ALG6: variants seen among roughly 807,000 people sequenced by gnomAD.
The protein encoded by ALG6 is dolichyl pyrophosphate Man9GlcNAc2 alpha-1,3-glucosyltransferase.
In ALG6, 46 loss-of-function variants were observed where a neutral mutation model predicts 66.6. That is an observed-to-expected ratio of 0.69 (90% CI 0.55 to 0.88). The LOEUF is 0.88. Ranked by LOEUF, ALG6 falls within the 40% of genes least tolerant of loss-of-function variation. The pLI is 0.00. For missense variants in ALG6, 505 were observed against 586.8 expected (o/e 0.86, Z 1.44); for synonymous variants, 185 against 203.7 (o/e 0.91, Z 0.78).
At position 63,424,419 on chromosome 1, in the gene ALG6, G is replaced by A. The variant is rs190032308; in HGVS notation, c.1059-4314G>A. Among the ~76,000 whole-genome samples the A allele has an allele frequency of 4.5e-3, 691 of 152,272 alleles. 6 individuals carry two copies. The highest frequency in any genetic ancestry group is 0.015 in the African/African-American group (627 of 41,554). On this transcript the variant is annotated intron_variant, in intron 12 of 14. Transcript: ENST00000263440. ...CTCCCAAAGTGCTGGGATTACAGGC[G>A]TGAACCACTGCGCTTGGCCGTTTTG...
chr1:63,391,306 C>T (rs779474427), intron 2 of ALG6, among the ~76,000 whole-genome samples: 94 of 152,116 alleles, frequency 6.2e-4, no homozygotes, highest in Non-Finnish European at 1.1e-3. Context: ...AAATGAAGAC[C>T]CGAAGAAACA....
At chr1:63,408,868 C>T (rs763572897) in intron 7 of ALG6, among the ~76,000 whole-genome samples, 4 of 152,184 alleles carry the variant, frequency 2.6e-5, no homozygotes, top group Non-Finnish European at 5.9e-5. Context: ...CAACCTCTGC[C>T]TCCTGGGTTC....
At chr1:63,382,889 G>C (rs1238003942) in intron 2 of ALG6, among the ~76,000 whole-genome samples, 1 of 151,994 alleles carries the variant, frequency 6.6e-6, no homozygotes, top group East Asian at 1.9e-4. Context: ...TGTTAGCCAG[G>C]ATGGTCTCGA....
At chr1:63,422,317 A>T (rs1426582020) in intron 12 of ALG6, among the ~76,000 whole-genome samples, 1 of 114,150 alleles carries the variant, frequency 8.8e-6, no homozygotes, top group Admixed American at 1.1e-4. Flanking sequence ...ATATATCTAT[A>T]TATGAATATA....
intron 12 of ALG6, 29 bp from the exon 13 acceptor site, chr1:63,428,701 ATAT>A: frequency 7.2e-7 from 1 of 1,391,300 alleles, no homozygotes; most frequent in Non-Finnish European, 1.0e-6. Flanking sequence ...ATATTCTGTA[ATAT>A]TAAAATATTT....
chr1:63,374,138 C>T lies in ALG6; in HGVS notation c.82+3079C>T, dbSNP rs556814981. The stretch of plus-strand genomic sequence containing the variant: ...GATTCAAATATAGTTGTATTTAATT[C>T]CACAATCAGTGCTCTTATGACTGTG... On this transcript the variant is annotated intron_variant, in intron 2 of 14. Coordinates refer to ENST00000263440, the MANE Select transcript of ALG6 (RefSeq NM_013339.4). Among the ~76,000 whole-genome samples the T allele has an allele frequency of 4.9e-4, 74 of 152,206 alleles. 1 individual carries two copies. Among genetic ancestry groups the T allele is most frequent in the African/African-American group, 1.4e-3 (60 of 41,526 alleles).
chr1:63,374,594 C>A (rs1272263805), intron 2 of ALG6, among the ~76,000 whole-genome samples: 1 of 150,416 alleles, frequency 6.6e-6, no homozygotes, highest in Non-Finnish European at 1.5e-5. Context: ...CGCCACTGCA[C>A]CCCACCCTGG....
chr1:63,384,317 T>C (rs533346851), intron 2 of ALG6, among the ~76,000 whole-genome samples: 1 of 152,358 alleles, frequency 6.6e-6, no homozygotes, highest in Admixed American at 6.5e-5. Flanking sequence ...TTCAGATCTT[T>C]TGCCCATTTT....
chr1:63,400,329 ATATATACG>A (rs1434356069), intron 3 of ALG6, among the ~76,000 whole-genome samples: 1,875 of 35,942 alleles, frequency 0.052, 566 homozygotes, highest in South Asian at 0.076. Context: ...ACGTATATAT[ATATATACG>A]TATATATATA....
chr1:63,426,128 A>C (rs1644613913), intron 12 of ALG6, among the ~76,000 whole-genome samples: 1 of 152,184 alleles, frequency 6.6e-6, no homozygotes, highest in Non-Finnish European at 1.5e-5. Flanking sequence ...AAGGAGTTGA[A>C]ATCTTTGGGT....
chr1:63,415,678 GTATA>G lies in ALG6; in HGVS notation c.903-185_903-182del, dbSNP rs10567757. On this transcript the variant is annotated intron_variant, in intron 10 of 14. Transcript: ENST00000263440. Reference sequence around the variant, plus strand: ...CTATATTATGTAATCGTGTATAAAAGTATATATATATATCAATGTGTAGATTTTG... The same window carrying G: ...CTATATTATGTAATCGTGTATAAAAGTATATATATCAATGTGTAGATTTTG... Among the ~76,000 whole-genome samples, 3 of 151,128 alleles carry G rather than the reference GTATA, an allele frequency of 2.0e-5. 1 individual carries two copies. Among genetic ancestry groups the G allele is most frequent in the Non-Finnish European group, 3.0e-5 (2 of 67,760 alleles).
intron 7 of ALG6, among the ~76,000 whole-genome samples, chr1:63,410,293 T>C (rs2100420118): frequency 6.6e-6 from 1 of 152,310 alleles, no homozygotes; most frequent in South Asian, 2.1e-4. Flanking sequence ...CTTGCTCTCT[T>C]GCCCAAGCTG....
chr1:63,404,792 A>G (rs1262849710), intron 5 of ALG6, among the ~76,000 whole-genome samples: 1 of 152,152 alleles, frequency 6.6e-6, no homozygotes, highest in East Asian at 1.9e-4. Flanking sequence ...TTGAACACCT[A>G]AATGAGATAA....
intron 4 of ALG6, 144 bp from the exon 5 acceptor site, chr1:63,404,309 G>T (rs1481102991): frequency 1.4e-6 from 1 of 732,854 alleles, no homozygotes; most frequent in Admixed American, 2.0e-5. Context: ...TAAATAAAAA[G>T]AGTAAAACTT....
intron 5 of ALG6, among the ~76,000 whole-genome samples, 191 bp from the exon 6 acceptor site, chr1:63,406,126 T>A (rs1644488896): frequency 6.6e-6 from 1 of 152,098 alleles, no homozygotes; most frequent in African/African-American, 2.4e-5. Flanking sequence ...AAGAGACTCC[T>A]TTGCAATACA....
chr1:63,367,873 A>T (rs1217106787), intron 1 of ALG6, among the ~76,000 whole-genome samples, 186 bp downstream of exon 1: 1 of 151,956 alleles, frequency 6.6e-6, no homozygotes, highest in African/African-American at 2.4e-5. Context: ...GGGTGAGGGG[A>T]CGCGGTGATA....
chr1:63,393,007 A>G (rs1648717153), intron 2 of ALG6, among the ~76,000 whole-genome samples: 1 of 152,236 alleles, frequency 6.6e-6, no homozygotes, highest in Admixed American at 6.5e-5. Flanking sequence ...CACATTGACC[A>G]CAAGTCTAGA....
intron 14 of ALG6, among the ~76,000 whole-genome samples, chr1:63,431,056 A>G (rs1297421724): frequency 6.6e-6 from 1 of 152,072 alleles, no homozygotes; most frequent in East Asian, 1.9e-4. Context: ...AATATTGTAT[A>G]TGGTGTGAGG....
chr1:63,422,354 T>TAA (rs1644587935), intron 12 of ALG6, among the ~76,000 whole-genome samples: 2 of 87,360 alleles, frequency 2.3e-5, no homozygotes, highest in African/African-American at 1.3e-4. Flanking sequence ...AATATATATC[T>TAA]ATATAAATAT....
Sources: allele counts gnomAD v4.1 joint callset (sites outside exome capture counted in the v4.1 genomes callset), GRCh38; gene constraint gnomAD v4.1.1; transcripts MANE v1.5; gene names NCBI Gene and HGNC (gene_info 2026-07-23, HGNC 2026-07-21).